Variants in DDIAS observed in about 807,000 individuals in gnomAD.
DDIAS encodes DNA damage induced apoptosis suppressor.
DDIAS carries 14 observed loss-of-function variants against 15.7 expected under a neutral mutation model. That is an observed-to-expected ratio of 0.89 (90% CI 0.59 to 1.39). The LOEUF is 1.39. DDIAS is among the 40% of genes most tolerant of loss of function. The probability of loss-of-function intolerance (pLI) is 0.00; values close to 1 mark genes in which losing one functional copy is unlikely to be tolerated. For missense variants in DDIAS, 1,035 were observed against 1,130.9 expected (o/e 0.92, Z 1.22); for synonymous variants, 355 against 395.9 (o/e 0.90, Z 1.23).
chr11:82,924,877 A>C (rs895030566), intron 3 of DDIAS, among the ~76,000 whole-genome samples: 1 of 152,080 alleles, frequency 6.6e-6, no homozygotes, highest in Non-Finnish European at 1.5e-5. Context: ...TTTAACTGGG[A>C]TCAAACAAAA....
At chr11:82,913,470 C>G in intron 2 of DDIAS, 84 bp downstream of exon 2, 2 of 251,466 alleles carry the variant, frequency 8.0e-6, no homozygotes, top group Non-Finnish European at 1.6e-5. Flanking sequence ...GTCTTGAACT[C>G]CTGGGCTCAA....
intron 3 of DDIAS, among the ~76,000 whole-genome samples, chr11:82,916,211 A>G (rs1860630426): frequency 6.6e-6 from 1 of 152,218 alleles, no homozygotes; most frequent in Admixed American, 6.5e-5. Flanking sequence ...ATATGGGATC[A>G]TTGTAAAGTT....
intron 3 of DDIAS, among the ~76,000 whole-genome samples, chr11:82,925,107 A>T (rs78841203): frequency 2.6e-5 from 4 of 152,240 alleles, no homozygotes; most frequent in South Asian, 2.1e-4. Flanking sequence ...GAAACCAGAC[A>T]TTAAAGAGAT....
chr11:82,905,264 C>T (rs771459072), intron 1 of DDIAS, among the ~76,000 whole-genome samples: 1 of 152,276 alleles, frequency 6.6e-6, no homozygotes, highest in African/African-American at 2.4e-5. Context: ...ACTTTTGTCC[C>T]TCTTTCTACC....
At chr11:82,928,503 C>T (rs1860915970) in intron 3 of DDIAS, among the ~76,000 whole-genome samples, 1 of 151,638 alleles carries the variant, frequency 6.6e-6, no homozygotes, top group African/African-American at 2.4e-5. Flanking sequence ...CCGGCCTTTT[C>T]GTCCTCTCTT....
Position 82,933,033 on chromosome 11 carries a change from GGA to G in DDIAS, c.1699_1700del (p.Ser567Ter). 6.2e-7 allele frequency: 1 copy of G among 1,607,274 alleles called. No individual in the cohort carries two copies. The highest frequency in any genetic ancestry group is 8.5e-7 in the Non-Finnish European group (1 of 1,179,334). ...KKTIRISPHR[E>X]SDHSSLNNKY... ...AGACTATCAGAATCTCACCACACAG[GGA>G]GAGTGACCATTCTAGTCTAAATAAC... On this transcript the variant is annotated frameshift_variant, in exon 6 of 6. Transcript: ENST00000533655. LOFTEE classifies it low-confidence loss of function (END_TRUNC).
intron 3 of DDIAS, among the ~76,000 whole-genome samples, chr11:82,925,702 A>G (rs1860844671): frequency 6.6e-6 from 1 of 152,128 alleles, no homozygotes; most frequent in African/African-American, 2.4e-5. Context: ...TAATTCGACT[A>G]TGGTAGCCAG....
At chr11:82,930,626 C>A (rs934507034) in intron 5 of DDIAS, among the ~76,000 whole-genome samples, 1 of 151,860 alleles carries the variant, frequency 6.6e-6, no homozygotes, top group Admixed American at 6.6e-5. Flanking sequence ...CTTTTTAATT[C>A]TGTCTTCTAT....
chr11:82,910,602 CTCTCTTTTTTTTT>C (rs762908740), intron 1 of DDIAS, among the ~76,000 whole-genome samples: 17 of 129,160 alleles, frequency 1.3e-4, no homozygotes, highest in Non-Finnish European at 2.4e-4. Context: ...TTCTCTCTCT[CTCTCTTTTTTTTT>C]TTTTTTTTTT....
chr11:82,914,399 C>A (rs1860589565), intron 2 of DDIAS, among the ~76,000 whole-genome samples: 1 of 152,172 alleles, frequency 6.6e-6, no homozygotes. Flanking sequence ...GTATTGATGG[C>A]AGACACAAGT....
intron 1 of DDIAS, among the ~76,000 whole-genome samples, chr11:82,904,841 G>A (rs1354003550): frequency 6.6e-6 from 1 of 152,118 alleles, no homozygotes; most frequent in African/African-American, 2.4e-5. Context: ...AATGCATCAG[G>A]CATTAGCTTG....
intron 3 of DDIAS, among the ~76,000 whole-genome samples, chr11:82,924,237 TTGTG>T (rs997300306): frequency 2.6e-5 from 4 of 152,192 alleles, no homozygotes; most frequent in African/African-American, 9.7e-5. Context: ...TCTCATTACT[TTGTG>T]TGTATTTAAT....
chr11:82,930,364 T>C, intron 5 of DDIAS, 90 bp downstream of exon 5: 1 of 987,508 alleles, frequency 1.0e-6, no homozygotes, highest in Non-Finnish European at 1.5e-6. Flanking sequence ...TTAGGAGTTC[T>C]GTACATGTGA....
chr11:82,913,647 T>C (rs1273304691), intron 2 of DDIAS: 1 of 400,880 alleles, frequency 2.5e-6, no homozygotes, highest in Non-Finnish European at 4.8e-6. Flanking sequence ...CTTTTTTTTC[T>C]CTTCAAGATG....
intron 3 of DDIAS, chr11:82,922,727 C>T (rs1860779868): frequency 6.6e-6 from 1 of 152,082 alleles, no homozygotes; most frequent in East Asian, 1.9e-4. Context: ...TGCTGGTGAG[C>T]TAGTGTGATT....
At chr11:82,911,309 T>G (rs1350392759) in intron 1 of DDIAS, among the ~76,000 whole-genome samples, 1 of 152,226 alleles carries the variant, frequency 6.6e-6, no homozygotes, top group Non-Finnish European at 1.5e-5. Flanking sequence ...TAGAACTTCT[T>G]TCAGAATTGG....
chr11:82,927,853 C>G (rs558221522), intron 3 of DDIAS, among the ~76,000 whole-genome samples: 1 of 152,068 alleles, frequency 6.6e-6, no homozygotes, highest in Non-Finnish European at 1.5e-5. Context: ...CTTTATTTGT[C>G]TATTTTAATC....
chr11:82,905,272 A>G (rs1184643817), intron 1 of DDIAS, among the ~76,000 whole-genome samples: 1 of 151,980 alleles, frequency 6.6e-6, no homozygotes, highest in Non-Finnish European at 1.5e-5. Flanking sequence ...CCCTCTTTCT[A>G]CCCTCATTTC....
chr11:82,915,200 G>A (rs1019322762), intron 3 of DDIAS, among the ~76,000 whole-genome samples: 1 of 152,202 alleles, frequency 6.6e-6, no homozygotes, highest in African/African-American at 2.4e-5. Flanking sequence ...ATGATCAGTA[G>A]AATAGTTGTT....
Sources: gnomAD v4.1 joint callset for allele counts (sites outside exome capture counted in the v4.1 genomes callset) on GRCh38, gnomAD v4.1.1 for gene constraint, MANE v1.5 for transcripts, NCBI Gene and HGNC (gene_info 2026-07-23, HGNC 2026-07-21) for gene names.